The following MANBA variants were observed in gnomAD, a reference collection of about 807,000 sequenced individuals.
MANBA encodes the protein mannosidase beta.
MANBA carries 83 observed loss-of-function variants against 111.1 expected under a neutral mutation model. That is an observed-to-expected ratio of 0.75 (90% CI 0.63 to 0.90). MANBA has a LOEUF of 0.90. Ranked by LOEUF, MANBA falls within the 40% of genes least tolerant of loss-of-function variation. The pLI is 0.00. For missense variants in MANBA, 1,036 were observed against 1,069.0 expected (o/e 0.97, Z 0.43); for synonymous variants, 370 against 378.7 (o/e 0.98, Z 0.27).
At chr4:102,696,684 C>T (rs965745555) in intron 5 of MANBA, among the ~76,000 whole-genome samples, 2 of 152,096 alleles carry the variant, frequency 1.3e-5, no homozygotes, top group Admixed American at 1.3e-4. Flanking sequence ...GGGGGGAAAA[C>T]CTATTCAAAG....
intron 11 of MANBA, among the ~76,000 whole-genome samples, chr4:102,661,174 T>C (rs1730931846): frequency 6.6e-6 from 1 of 152,228 alleles, no homozygotes; most frequent in Non-Finnish European, 1.5e-5. Context: ...AAAGTACTAC[T>C]AGACAATGCT....
intron 15 of MANBA, among the ~76,000 whole-genome samples, 170 bp from the exon 16 acceptor site, chr4:102,635,215 T>G (rs548849858): frequency 6.6e-6 from 1 of 152,214 alleles, no homozygotes; most frequent in African/African-American, 2.4e-5. Context: ...ACTAAGTAAC[T>G]TCTCAGTCTT....
chr4:102,705,541 G>A (rs1360950394), intron 5 of MANBA, among the ~76,000 whole-genome samples: 1 of 151,958 alleles, frequency 6.6e-6, no homozygotes, highest in Non-Finnish European at 1.5e-5. Flanking sequence ...CTGTGGAAGG[G>A]CTACCCTGCT....
intron 13 of MANBA, 35 bp downstream of exon 13, chr4:102,650,502 G>A: frequency 6.4e-7 from 1 of 1,571,576 alleles, no homozygotes; most frequent in Non-Finnish European, 8.8e-7. Context: ...ATTAATTGCA[G>A]GAACCTGTTC....
chr4:102,760,799 G>A lies in MANBA; in HGVS notation c.96C>T (p.Cys32=). 1 of 1,558,222 alleles carries A rather than the reference G, an allele frequency of 6.4e-7. No homozygotes were observed. Among genetic ancestry groups the A allele is most frequent in the South Asian group, 1.2e-5 (1 of 84,652 alleles). The part of the protein sequence containing the change: ...SYSLRGNWSI[C]NGNGSLELPG... ...GCAGCTCCAGCGAGCCGTTCCCATTGCAGATGCTCCAGTTGCCACGCAAGC... is the reference window on the plus strand; with the variant it reads ...GCAGCTCCAGCGAGCCGTTCCCATTACAGATGCTCCAGTTGCCACGCAAGC... Residue 32 remains cysteine, a synonymous_variant, in exon 1 of 17, where the codon TGC becomes TGT. Transcript: ENST00000647097.
chr4:102,740,927 C>A (rs1723379958), intron 1 of MANBA, among the ~76,000 whole-genome samples: 1 of 151,868 alleles, frequency 6.6e-6, no homozygotes, highest in Admixed American at 6.6e-5. Context: ...GCAAATGCAA[C>A]AAAAACGAAG....
At chr4:102,727,645 T>G in intron 1 of MANBA, 1 of 1,506,360 alleles carries the variant, frequency 6.6e-7, no homozygotes, top group Non-Finnish European at 9.2e-7. Context: ...CCATTGTGTT[T>G]CACAGTCTTC....
intron 11 of MANBA, chr4:102,662,654 T>C (rs1277781766): frequency 6.3e-6 from 1 of 158,726 alleles, no homozygotes; most frequent in Non-Finnish European, 1.4e-5. Context: ...TGATATTCTC[T>C]AGGCCTTTTA....
chr4:102,646,024 G>C (rs1485068452), intron 13 of MANBA, among the ~76,000 whole-genome samples: 1 of 152,038 alleles, frequency 6.6e-6, no homozygotes, highest in Admixed American at 6.6e-5. Context: ...TGAGTCCTTA[G>C]GCAAAATATT....
At chr4:102,704,276 G>C (rs28462987) in intron 5 of MANBA, among the ~76,000 whole-genome samples, 4,124 of 152,000 alleles carry the variant, frequency 0.027, 125 homozygotes, top group African/African-American at 0.076. Context: ...GAATTTATTG[G>C]GCGGTTATAA....
At chr4:102,734,611 G>C (rs544531778) in intron 1 of MANBA, 1 of 1,600,206 alleles carries the variant, frequency 6.2e-7, no homozygotes, top group Non-Finnish European at 8.6e-7. Context: ...AAGAAGAAGC[G>C]GTAGAAGAGG....
Position 102,665,183 on chromosome 4 carries a change from C to G in MANBA, c.1318-331G>C, listed in dbSNP as rs72663144. 6.4e-3 allele frequency: 1,688 copies of G among 264,482 alleles called. 5 individuals are homozygous for G. The highest frequency in any genetic ancestry group is 7.8e-3 in the Non-Finnish European group (1,069 of 136,834). The allele number at this position is 264,482 out of a possible 1,614,324, so 16.4% of individuals were successfully genotyped here. On this transcript the variant is annotated intron_variant, in intron 10 of 16. Transcript: ENST00000647097. ...ACTCTGTGGATTGCCACAAAGAAAACTTTCAGGAAATACAAAAGGCAGGAG... is the reference window on the plus strand; with the variant it reads ...ACTCTGTGGATTGCCACAAAGAAAAGTTTCAGGAAATACAAAAGGCAGGAG...
At chr4:102,696,283 C>G (rs768246428) in intron 5 of MANBA, among the ~76,000 whole-genome samples, 4 of 152,164 alleles carry the variant, frequency 2.6e-5, no homozygotes, top group Non-Finnish European at 5.9e-5. Context: ...GTCTGACCCT[C>G]TGCTAAACGT....
In MANBA at chr4:102,632,069, T is replaced by G. The variant is rs1158888439; in HGVS notation, c.2628A>C (p.Thr876=). The part of the protein sequence containing the change: ...LEQSFHVTSL[T]DIY Reference sequence around the variant, plus strand: ...AACCTAGATTCCTTCAGTAAATATCTGTTAAGGAGGTCACATGAAAAGATT... The same window carrying G: ...AACCTAGATTCCTTCAGTAAATATCGGTTAAGGAGGTCACATGAAAAGATT... Residue 876 remains threonine, a synonymous_variant, in exon 17 of 17, where the codon ACA becomes ACC. Transcript: ENST00000647097. 6.3e-7 allele frequency: 1 copy of G among 1,599,504 alleles called. No homozygotes were observed. Among genetic ancestry groups the G allele is most frequent in the Admixed American group, 1.7e-5 (1 of 60,004 alleles).
chr4:102,704,049 C>A (rs1045562757), intron 5 of MANBA, among the ~76,000 whole-genome samples: 2 of 151,786 alleles, frequency 1.3e-5, no homozygotes, highest in Non-Finnish European at 2.9e-5. Context: ...GAGCCAAGAT[C>A]GCGCCACTGC....
chr4:102,737,639 C>G (rs189178886), intron 1 of MANBA, among the ~76,000 whole-genome samples: 1 of 152,122 alleles, frequency 6.6e-6, no homozygotes, highest in Non-Finnish European at 1.5e-5. Context: ...CCCGCCACCA[C>G]GCCTGGCTAA....
At chr4:102,730,166 G>A (rs1158825496) in intron 1 of MANBA, 11 of 1,090,502 alleles carry the variant, frequency 1.0e-5, no homozygotes, top group Admixed American at 2.6e-5. Context: ...TCACCCTGAT[G>A]GACATGGTGG....
chr4:102,743,607 C>T (rs1723488693), intron 1 of MANBA, among the ~76,000 whole-genome samples: 1 of 152,128 alleles, frequency 6.6e-6, no homozygotes, highest in Non-Finnish European at 1.5e-5. Flanking sequence ...GCCTTTGAGC[C>T]ACTTCCTCAT....
chr4:102,646,157 G>A (rs1457423513), intron 13 of MANBA, among the ~76,000 whole-genome samples: 4 of 152,044 alleles, frequency 2.6e-5, no homozygotes, highest in Non-Finnish European at 4.4e-5. Flanking sequence ...GACCAGGCAG[G>A]CATTTAGTAG....
Sources: gnomAD v4.1 joint callset for allele counts (sites outside exome capture counted in the v4.1 genomes callset) on GRCh38, gnomAD v4.1.1 for gene constraint, MANE v1.5 for transcripts, NCBI Gene and HGNC (gene_info 2026-07-23, HGNC 2026-07-21) for gene names.